The following ZNF541 variants were observed in gnomAD, a reference collection of about 807,000 sequenced individuals.
ZNF541 encodes the protein zinc finger protein 541.
ZNF541 carries 23 observed loss-of-function variants against 123.5 expected under a neutral mutation model. The ratio of observed to expected loss-of-function variants is 0.19; its 90% confidence interval spans 0.13 to 0.26. The LOEUF (loss-of-function observed/expected upper bound fraction) is 0.26. ZNF541 is among the 10% of genes least tolerant of loss of function. The pLI is 1.00. For synonymous variants in ZNF541, 751 were observed against 754.5 expected (o/e 1.00, Z 0.08); for missense variants, 1,612 against 1,789.9 (o/e 0.90, Z 1.79).
intron 3 of ZNF541, among the ~76,000 whole-genome samples, chr19:47,549,869 C>T (rs926785662): frequency 1.3e-5 from 2 of 152,124 alleles, no homozygotes; most frequent in Non-Finnish European, 2.9e-5. Flanking sequence ...GGGGTTTTCA[C>T]ATAAGGAAAT....
In ZNF541 at chr19:47,520,840, T is replaced by C. The variant is rs553505796; in HGVS notation, c.*384A>G. 2.4e-4 allele frequency: 43 copies of C among 182,352 alleles called. No individual in the cohort carries two copies. Among genetic ancestry groups the C allele is most frequent in the Middle Eastern group, 2.5e-3 (1 of 400 alleles). 11.3% of individuals were successfully genotyped at this position (182,352 alleles called of 1,614,324 possible). A position where few individuals can be genotyped will look rare whatever the true frequency, so the allele number is the denominator to read the frequency against. On this transcript the variant is annotated 3_prime_UTR_variant, in exon 17 of 17. Coordinates refer to ENST00000391901, the MANE Select transcript of ZNF541 (RefSeq NM_001277075.3). ...GCGTGTTGGAGATCTCAAGGTTTTT[T>C]CCCACTGATTCTCTAAGTCTTGGCC... is the stretch of plus-strand genomic sequence containing the variant.
rs1222484199 is a variant in ZNF541, at chr19:47,545,812, G to A, written c.717C>T (p.Ser239=). The A allele has an allele frequency of 1.9e-6, 3 of 1,545,986 alleles. No homozygotes were observed. The highest frequency in any genetic ancestry group is 1.4e-5 in the African/African-American group (1 of 73,070). The change falls in exon 5 of 17, where the codon TCC becomes TCT. Residue 239 remains serine, a synonymous_variant. Coordinates refer to ENST00000391901, the MANE Select transcript of ZNF541 (RefSeq NM_001277075.3). This position sits in a 1 kb window ranked among gnomAD's most constrained non-coding sequence, Gnocchi z 7.5. ...GGCCGGCCGACTCGTGGGCGTGGGG[G>A]GAGTCCCCGCAGGCCTCTTCCTCCG... ...APPEEEACGD[S]PHAHESAGQP... is the part of the protein sequence containing the mutation.
At chr19:47,551,659 C>T (rs1970606489) in intron 3 of ZNF541, among the ~76,000 whole-genome samples, 1 of 151,916 alleles carries the variant, frequency 6.6e-6, no homozygotes, top group Admixed American at 6.6e-5. Flanking sequence ...CCACCTCAGC[C>T]TATTGAGTAG....
At chr19:47,522,666 C>A (rs1969091212) in intron 14 of ZNF541, among the ~76,000 whole-genome samples, 1 of 151,390 alleles carries the variant, frequency 6.6e-6, no homozygotes, top group South Asian at 2.1e-4. Context: ...CATGGTGGTG[C>A]ATGCCTGTGG....
chr19:47,539,789 C>T lies in ZNF541; in HGVS notation c.2712G>A (p.Leu904=), dbSNP rs921295833. 8.8e-6 allele frequency: 13 copies of T among 1,485,158 alleles called. No individual in the cohort carries two copies. Among genetic ancestry groups the T allele is most frequent in the African/African-American group, 2.9e-5 (2 of 67,864 alleles). The allele number at this position is 1,485,158 out of a possible 1,614,324, so 92.0% of individuals were successfully genotyped here. A position where few individuals can be genotyped will look rare whatever the true frequency, so the allele number is the denominator to read the frequency against. The change falls in exon 8 of 17, where the codon TTG becomes TTA. Residue 904 remains leucine (L), a synonymous_variant. Coordinates refer to ENST00000391901, the MANE Select transcript of ZNF541 (RefSeq NM_001277075.3). ...CCAAAGGGGCTGCAGCTGTGGGGTCCAAGGGCTTCTTGGTTCCTGGGGGAC... is the reference window on the plus strand; with the variant it reads ...CCAAAGGGGCTGCAGCTGTGGGGTCTAAGGGCTTCTTGGTTCCTGGGGGAC... ...RHSPPGTKKP[L]DPTAAAPLVV...
At chr19:47,539,211 C>T (rs1035611587) in intron 8 of ZNF541, among the ~76,000 whole-genome samples, 2 of 152,102 alleles carry the variant, frequency 1.3e-5, no homozygotes. Context: ...CAGCACCACC[C>T]AGCACAGGGC....
rs543995994 is a variant in ZNF541, at chr19:47,555,567, G to A, written c.290C>T (p.Ser97Phe). The A allele has an allele frequency of 6.5e-7, 1 of 1,545,180 alleles. No individual in the cohort carries two copies. The highest frequency in any genetic ancestry group is 1.2e-5 in the South Asian group (1 of 83,624). ...AGCCTCACCTTGTAAGGATGCCTGA[G>A]ACTCCGAATCTGCGTACTCCTCCAG... Reference protein sequence around the residue: ...KLLEEYADSESQASLQDLGLG... With the variant: ...KLLEEYADSEFQASLQDLGLG... The change falls in exon 3 of 17, where the codon TCT becomes TTT. Residue 97 changes from serine (S) to phenylalanine (F), a missense_variant. By Grantham distance (155) the Ser-to-Phe change is radical (BLOSUM62 -2). Transcript: ENST00000391901.
chr19:47,521,690 C>A lies in ZNF541; in HGVS notation c.3712-36G>T. 6.5e-7 allele frequency: 1 copy of A among 1,547,896 alleles called. No homozygotes were observed. Among genetic ancestry groups the A allele is most frequent in the Non-Finnish European group, 8.7e-7 (1 of 1,144,726 alleles). ...AGCAAAAGTGACATAAGGGTGCTGA[C>A]CTGTCCTGCTGTAAGAGAGACACAG... is the stretch of plus-strand genomic sequence containing the variant. On this transcript the variant is annotated intron_variant, in intron 15 of 16. Coordinates refer to ENST00000391901, the MANE Select transcript of ZNF541 (RefSeq NM_001277075.3). The surrounding 1 kb of genome is among the most constrained non-coding windows in gnomAD (Gnocchi z 4.2).
intron 2 of ZNF541, among the ~76,000 whole-genome samples, chr19:47,569,510 C>T (rs1971396852): frequency 6.6e-6 from 1 of 152,112 alleles, no homozygotes; most frequent in Non-Finnish European, 1.5e-5. Context: ...TTTTATCACA[C>T]ACTTGAGACT....
rs1188486673 is a variant in ZNF541 at position 47,521,397 on chromosome 19, C to CA, written c.3888-21dup. The CA allele has an allele frequency of 1.3e-6, 2 of 1,551,448 alleles. No individual in the cohort carries two copies. Among genetic ancestry groups the CA allele is most frequent in the African/African-American group, 2.7e-5 (2 of 73,030 alleles). ...AACACCCTGAGGAGTCACCAGAGGA[C>CA]ATGGGGTCAGAGCAGGGAGGAAGGG... On this transcript the variant is annotated intron_variant, in intron 16 of 16. Coordinates refer to ENST00000391901, the MANE Select transcript of ZNF541 (RefSeq NM_001277075.3). This position sits in a 1 kb window ranked among gnomAD's most constrained non-coding sequence, Gnocchi z 4.2.
chr19:47,564,188 G>C (rs1285273574), intron 2 of ZNF541, among the ~76,000 whole-genome samples: 1 of 150,744 alleles, frequency 6.6e-6, no homozygotes, highest in Non-Finnish European at 1.5e-5. Context: ...TAAGGTGCTG[G>C]GTCAGGGGGA....
At chr19:47,539,615 T>C (rs1327341938) in intron 8 of ZNF541, 90 bp downstream of exon 8, 1 of 1,323,964 alleles carries the variant, frequency 7.6e-7, no homozygotes, top group Non-Finnish European at 9.7e-7. Flanking sequence ...AGTCAAAGAT[T>C]TTCTGTGGTA....
At chr19:47,546,083 C>T in intron 4 of ZNF541, 103 bp from the exon 5 acceptor site, 2 of 1,028,120 alleles carry the variant, frequency 1.9e-6, no homozygotes, top group Non-Finnish European at 2.6e-6. Context: ...AGTTGCACCA[C>T]AATTCAGAAA....
intron 7 of ZNF541, 97 bp from the exon 8 acceptor site, chr19:47,539,975 G>A (rs1970007872): frequency 1.3e-6 from 2 of 1,484,746 alleles, no homozygotes; most frequent in Non-Finnish European, 1.8e-6. Context: ...GAAAACAGCA[G>A]TGAGTCTGTG....
intron 1 of ZNF541, among the ~76,000 whole-genome samples, chr19:47,572,448 T>A (rs1480641997): frequency 2.6e-5 from 4 of 151,886 alleles, no homozygotes; most frequent in East Asian, 1.9e-4. Flanking sequence ...AAGAAAAAAA[T>A]TTTGCTGGAA....
At chr19:47,548,792 T>C (rs2123203383) in intron 4 of ZNF541, among the ~76,000 whole-genome samples, 1 of 151,848 alleles carries the variant, frequency 6.6e-6, no homozygotes, top group Non-Finnish European at 1.5e-5. Context: ...AAGAACGGAG[T>C]GGGCTGGGCA....
chr19:47,540,940 G>C lies in ZNF541; in HGVS notation c.2415C>G (p.Ile805Met). ...CCTTCACCGGATGGGGGAGCCTGTA[G>C]ATGTTTCCACCCTGAAGATGAAAAT... ...TIFSRIQGGN[I>M]YRLPHPVKEE... Residue 805 changes from isoleucine (I) to methionine (M), a missense_variant, in exon 6 of 17, where the codon ATC becomes ATG. By Grantham distance (10) the Ile-to-Met change is conservative (BLOSUM62 1). This residue lies in a region of ZNF541 where 1,080 missense variants were observed against 1,013.8 expected (regional missense o/e 1.07). Transcript: ENST00000391901. 6.4e-7 allele frequency: 1 copy of C among 1,550,806 alleles called. No homozygotes were observed. The highest frequency in any genetic ancestry group is 1.2e-5 in the South Asian group (1 of 83,760).
chr19:47,539,541 A>G (rs1043462507), intron 8 of ZNF541, among the ~76,000 whole-genome samples, 164 bp downstream of exon 8: 1 of 152,026 alleles, frequency 6.6e-6, no homozygotes, highest in Non-Finnish European at 1.5e-5. Flanking sequence ...AGCTCAGGCA[A>G]TCCACCCGCC....
intron 4 of ZNF541, among the ~76,000 whole-genome samples, chr19:47,548,649 G>T (rs1251009088): frequency 6.6e-6 from 1 of 152,040 alleles, no homozygotes; most frequent in Non-Finnish European, 1.5e-5. Context: ...AATTGACTCA[G>T]AAGCCAGCTG....
Sources: allele counts gnomAD v4.1 joint callset (sites outside exome capture counted in the v4.1 genomes callset), GRCh38; gene constraint gnomAD v4.1.1; regional missense constraint gnomAD v4.1.1; non-coding constraint Gnocchi (gnomAD v3.1); transcripts MANE v1.5; gene names NCBI Gene and HGNC (gene_info 2026-07-23, HGNC 2026-07-21).